ACSM1: variants seen among roughly 807,000 people sequenced by gnomAD.
ACSM1 encodes the protein acyl-CoA synthetase medium chain family member 1.
Under a neutral mutation model 75.8 loss-of-function variants are expected in ACSM1, and 79 were observed. That is an observed-to-expected ratio of 1.04 (90% CI 0.87 to 1.26). The LOEUF is 1.26. ACSM1 is among the 50% of genes most tolerant of loss of function. ACSM1 has a pLI of 0.00. For synonymous variants in ACSM1, 279 were observed against 265.8 expected, an observed-to-expected ratio of 1.05 and a Z score of -0.48; for missense variants, 676 against 720.1, an observed-to-expected ratio of 0.94 and a Z score of 0.70.
chr16:20,668,713 C>T (rs1430822932), intron 6 of ACSM1, among the ~76,000 whole-genome samples: 1 of 152,100 alleles, frequency 6.6e-6, no homozygotes, highest in Admixed American at 6.6e-5. Context: ...TAAGGGCAGA[C>T]CACTGGAGCA....
Position 20,637,377 on chromosome 16 carries a change from G to A in ACSM1, c.1191C>T (p.Asp397=), listed in dbSNP as rs111406824. The stretch of plus-strand genomic sequence containing the variant: ...AATGCCCTTAGGACCAGACCTGGAC[G>A]TCGTAGGGTGGAGTGGCCTTCCCCA... ...GFMGKATPPY[D]VQVIDDKGSI... The change falls in exon 9 of 14, where the codon GAC becomes GAT. Residue 397 remains aspartate, a synonymous_variant. Coordinates refer to ENST00000520010, the MANE Select transcript of ACSM1 (RefSeq NM_001318890.3). The A allele has an allele frequency of 1.1e-4, 183 of 1,614,056 alleles. No individual in the cohort carries two copies. The highest frequency in any genetic ancestry group is 4.0e-4 in the South Asian group (36 of 91,070).
chr16:20,671,082 G>A (rs2019867485), intron 5 of ACSM1, among the ~76,000 whole-genome samples: 1 of 152,146 alleles, frequency 6.6e-6, no homozygotes, highest in South Asian at 2.1e-4. Flanking sequence ...CCCTAGAAGT[G>A]AATAATTGAG....
chr16:20,628,967 A>G (rs1259531964), intron 10 of ACSM1, among the ~76,000 whole-genome samples: 1 of 152,160 alleles, frequency 6.6e-6, no homozygotes, highest in African/African-American at 2.4e-5. Context: ...GCTACCCGAA[A>G]AAAACATTTT....
chr16:20,681,459 C>T (rs1258324576), intron 4 of ACSM1: 1 of 152,142 alleles, frequency 6.6e-6, no homozygotes. Context: ...TGGTTCTCAA[C>T]CTTTGGAGGA....
intron 10 of ACSM1, 113 bp from the exon 11 acceptor site, chr16:20,627,429 G>A: frequency 7.7e-7 from 1 of 1,306,756 alleles, no homozygotes; most frequent in South Asian, 1.9e-5. Context: ...CTCGGTACCT[G>A]GGCAAGTTTT....
intron 4 of ACSM1, among the ~76,000 whole-genome samples, chr16:20,672,471 A>AAAATATATATATATAT (rs1555473775): frequency 3.1e-5 from 2 of 64,558 alleles, no homozygotes; most frequent in Non-Finnish European, 5.3e-5. Flanking sequence ...AAAAAAAAAA[A>AAAATATATATATATAT]ATATATATAT....
At chr16:20,627,486 G>C (rs973292869) in intron 10 of ACSM1, among the ~76,000 whole-genome samples, 170 bp from the exon 11 acceptor site, 1 of 152,112 alleles carries the variant, frequency 6.6e-6, no homozygotes, top group African/African-American at 2.4e-5. Flanking sequence ...TGATGCATGC[G>C]ACTGCTCTAT....
In ACSM1 at chr16:20,634,543, A is replaced by AG. The variant is rs564466355; in HGVS notation, c.1299+2195dup. On this transcript the variant is annotated intron_variant, in intron 10 of 13. Coordinates refer to ENST00000520010, the MANE Select transcript of ACSM1 (RefSeq NM_001318890.3). The stretch of plus-strand genomic sequence containing the variant: ...AGGAATGACATTTTGTTACATGCTA[A>AG]GACATAGATGAACCTTGAAAACGTT... Among the ~76,000 whole-genome samples, 143 of 152,380 alleles carry AG rather than the reference A, an allele frequency of 9.4e-4. 5 individuals carry two copies. In the South Asian group the frequency reaches 0.028, roughly 30 times the overall value.
intron 8 of ACSM1, among the ~76,000 whole-genome samples, chr16:20,637,798 T>C (rs539590544): frequency 3.9e-4 from 60 of 152,336 alleles, no homozygotes; most frequent in Middle Eastern, 3.4e-3. Context: ...CATGTGTCAG[T>C]TTGCTAGGGG....
At chr16:20,691,802 TGTG>T in intron 1 of ACSM1, among the ~76,000 whole-genome samples, 1 of 145,208 alleles carries the variant, frequency 6.9e-6, no homozygotes, top group South Asian at 2.2e-4. Flanking sequence ...TGTGTGTGTG[TGTG>T]TTTCTAAACA....
At chr16:20,654,935 AGAC>A (rs1267901954) in intron 7 of ACSM1, among the ~76,000 whole-genome samples, 2 of 152,168 alleles carry the variant, frequency 1.3e-5, no homozygotes, top group East Asian at 3.8e-4. Flanking sequence ...GCTGCTATAA[AGAC>A]ACATGCACAC....
Position 20,682,264 on chromosome 16 carries a change from C to T in ACSM1, c.603G>A (p.Ser201=), listed in dbSNP as rs143859924. 2.5e-5 allele frequency: 41 copies of T among 1,612,828 alleles called. No individual in the cohort carries two copies. The highest frequency in any genetic ancestry group is 2.4e-4 in the African/African-American group (18 of 75,004). The change falls in exon 4 of 14, where the codon TCG becomes TCA. Residue 201 remains serine, a synonymous_variant. Coordinates refer to ENST00000520010, the MANE Select transcript of ACSM1 (RefSeq NM_001318890.3). ...HSREGWLDFR[S]LVKSASPEHT... ...TCAGACCAGAGACTCACTTAACCAG[C>T]GATCGGAAGTCCAGCCACCCTTCAC...
rs570869109 is a variant in ACSM1, at chr16:20,630,740, T to C, written c.1300-3424A>G. Among the ~76,000 whole-genome samples the C allele has an allele frequency of 3.3e-5, 5 of 152,270 alleles. No homozygotes were observed. The South Asian group carries it at 1.0e-3, about 32-fold the overall frequency. On this transcript the variant is annotated intron_variant, in intron 10 of 13. Coordinates refer to ENST00000520010, the MANE Select transcript of ACSM1 (RefSeq NM_001318890.3). ...AACACACATTTTTCTCAAGTGCACA[T>C]GGAACATTCTCAAGGATGGACCATA... is the stretch of plus-strand genomic sequence containing the variant.
At chr16:20,693,577 A>G (rs1481553526) in intron 1 of ACSM1, among the ~76,000 whole-genome samples, 1 of 152,232 alleles carries the variant, frequency 6.6e-6, no homozygotes, top group Non-Finnish European at 1.5e-5. Flanking sequence ...TATAATAGAC[A>G]ATAGAACTAG....
chr16:20,656,794 C>T (rs2018985636), intron 7 of ACSM1, among the ~76,000 whole-genome samples: 1 of 151,926 alleles, frequency 6.6e-6, no homozygotes, highest in South Asian at 2.1e-4. Context: ...TCCCTCTGGG[C>T]CCAGGAACTA....
intron 10 of ACSM1, among the ~76,000 whole-genome samples, chr16:20,632,744 T>G (rs1288760507): frequency 6.6e-6 from 1 of 152,138 alleles, no homozygotes. Flanking sequence ...AGAAGAAAAC[T>G]ACAGACCAAT....
chr16:20,675,201 TCACCC>T (rs2020199593), intron 4 of ACSM1, among the ~76,000 whole-genome samples: 1 of 151,988 alleles, frequency 6.6e-6, no homozygotes, highest in Non-Finnish European at 1.5e-5. Context: ...CTAACTAGGC[TCACCC>T]GGGACACGAG....
chr16:20,649,545 TTC>T (rs146266221), intron 7 of ACSM1, among the ~76,000 whole-genome samples: 157 of 148,404 alleles, frequency 1.1e-3, no homozygotes, highest in Non-Finnish European at 9.9e-4. Flanking sequence ...TTACAACCTG[TTC>T]TCTCTCTCTC....
intron 10 of ACSM1, among the ~76,000 whole-genome samples, chr16:20,636,161 C>A (rs1199568618): frequency 1.3e-5 from 2 of 152,130 alleles, no homozygotes; most frequent in Non-Finnish European, 2.9e-5. Flanking sequence ...CCTTCCATGG[C>A]CAATATTGGG....
Sources: allele counts gnomAD v4.1 joint callset (sites outside exome capture counted in the v4.1 genomes callset), GRCh38; gene constraint gnomAD v4.1.1; transcripts MANE v1.5; gene names NCBI Gene and HGNC (gene_info 2026-07-23, HGNC 2026-07-21).